ACTR3C: variants seen among roughly 807,000 people sequenced by gnomAD.
ACTR3C encodes actin-related protein 3C.
ACTR3C carries 18 observed loss-of-function variants against 26.3 expected under a neutral mutation model. That is an observed-to-expected ratio of 0.68 (90% CI 0.47 to 1.01). The LOEUF (loss-of-function observed/expected upper bound fraction) is 1.01. Among genes scored for constraint, ACTR3C ranks in the 50% least tolerant of loss-of-function variants. The pLI is 0.00. For synonymous variants in ACTR3C, 55 were observed against 94.5 expected (o/e 0.58, Z 2.42); for missense variants, 184 against 250.7 (o/e 0.73, Z 1.80).
chr7:150,071,316 G>C, the ACTR3C span, among the ~76,000 whole-genome samples: 1 of 148,950 alleles, frequency 6.7e-6, no homozygotes, highest in Non-Finnish European at 1.5e-5. Flanking sequence ...AGTAGAGACG[G>C]GGTTTCACCA....
At chr7:149,961,885 A>G in the ACTR3C span, among the ~76,000 whole-genome samples, 130,067 of 148,430 alleles carry the variant, frequency 0.88, 58,709 homozygotes, top group Non-Finnish European at 0.98. Flanking sequence ...CAGGAGGTAA[A>G]CACATAGGAA....
At chr7:150,230,259 A>G in the ACTR3C span, among the ~76,000 whole-genome samples, 1 of 152,048 alleles carries the variant, frequency 6.6e-6, no homozygotes, top group Non-Finnish European at 1.5e-5. Flanking sequence ...CAAAAACAAA[A>G]TTTCTAATGA....
intron 6 of ACTR3C, among the ~76,000 whole-genome samples, chr7:150,253,046 G>A (rs953745404): frequency 6.6e-6 from 1 of 151,948 alleles, no homozygotes; most frequent in Non-Finnish European, 1.5e-5. Flanking sequence ...CTGTTTTTAC[G>A]TATACTGGCT....
At chr7:150,131,713 C>G in the ACTR3C span, among the ~76,000 whole-genome samples, 1 of 152,096 alleles carries the variant, frequency 6.6e-6, no homozygotes, top group Non-Finnish European at 1.5e-5. Context: ...TCTTAGATAT[C>G]TACCCAAGAG....
the ACTR3C span, among the ~76,000 whole-genome samples, chr7:149,945,103 G>A: frequency 2.6e-5 from 4 of 151,932 alleles, no homozygotes; most frequent in African/African-American, 9.7e-5. Flanking sequence ...CAGAGGCTGA[G>A]GCGGGGCTGT....
chr7:149,971,663 A>G, the ACTR3C span, among the ~76,000 whole-genome samples: 1 of 152,204 alleles, frequency 6.6e-6, no homozygotes, highest in Non-Finnish European at 1.5e-5. Context: ...CTTAGTTTGC[A>G]TCCTGCTGTG....
chr7:150,085,200 G>C, the ACTR3C span, among the ~76,000 whole-genome samples: 2 of 152,154 alleles, frequency 1.3e-5, no homozygotes, highest in South Asian at 2.1e-4. Flanking sequence ...TGAAAACTGA[G>C]TTTGCAGTTC....
chr7:150,064,855 T>C, the ACTR3C span, among the ~76,000 whole-genome samples: 1 of 152,288 alleles, frequency 6.6e-6, no homozygotes, highest in South Asian at 2.1e-4. Context: ...TCAATAGAGC[T>C]AATAAATATA....
chr7:150,102,278 T>C, the ACTR3C span, among the ~76,000 whole-genome samples: 4 of 151,734 alleles, frequency 2.6e-5, no homozygotes, highest in African/African-American at 9.7e-5. Context: ...AAAGATAGGA[T>C]GTGGATCAAC....
At chr7:150,006,400 T>A in the ACTR3C span, among the ~76,000 whole-genome samples, 2 of 147,808 alleles carry the variant, frequency 1.4e-5, no homozygotes, top group South Asian at 4.4e-4. Context: ...GGTTTCACTG[T>A]GTTAGCCAGG....
the ACTR3C span, among the ~76,000 whole-genome samples, chr7:150,164,813 G>A: frequency 6.6e-6 from 1 of 152,154 alleles, no homozygotes; most frequent in Admixed American, 6.5e-5. Flanking sequence ...CTGTGTGAAG[G>A]TCTTAGTAAC....
the ACTR3C span, among the ~76,000 whole-genome samples, chr7:150,132,986 C>T: frequency 6.6e-6 from 1 of 152,088 alleles, no homozygotes; most frequent in Non-Finnish European, 1.5e-5. Flanking sequence ...TCTCAGAGTC[C>T]TCTATCTATA....
intron 6 of ACTR3C, among the ~76,000 whole-genome samples, chr7:150,254,329 G>A (rs568615721): frequency 1.3e-5 from 2 of 152,182 alleles, no homozygotes; most frequent in Non-Finnish European, 2.9e-5. Flanking sequence ...GCAGAATCAA[G>A]TATAAATTGC....
At chr7:150,086,973 A>C in the ACTR3C span, among the ~76,000 whole-genome samples, 2 of 152,188 alleles carry the variant, frequency 1.3e-5, no homozygotes, top group Admixed American at 1.3e-4. Flanking sequence ...AGTAGGCTCA[A>C]AATTATTTCC....
the ACTR3C span, among the ~76,000 whole-genome samples, chr7:150,067,854 G>A: frequency 6.7e-6 from 1 of 150,340 alleles, no homozygotes; most frequent in African/African-American, 2.5e-5. Flanking sequence ...AAAGAGAGAG[G>A]GGATTCAGGC....
the ACTR3C span, among the ~76,000 whole-genome samples, chr7:150,087,613 C>G: frequency 6.6e-6 from 1 of 152,032 alleles, no homozygotes; most frequent in African/African-American, 2.4e-5. Flanking sequence ...GTGGGAGAAA[C>G]AGAAATCAGC....
intron 6 of ACTR3C, among the ~76,000 whole-genome samples, chr7:150,255,312 T>C (rs1431300721): frequency 6.8e-6 from 1 of 147,470 alleles, no homozygotes; most frequent in Admixed American, 7.0e-5. Context: ...TGGATCAGCC[T>C]GTTAACAGAC....
intron 6 of ACTR3C, among the ~76,000 whole-genome samples, chr7:150,266,802 C>T (rs1412973472): frequency 2.0e-5 from 3 of 152,076 alleles, no homozygotes; most frequent in South Asian, 2.1e-4. Flanking sequence ...TACAAATGAC[C>T]GCTAAGTACA....
At chr7:150,276,833 G>A (rs1010289403) in intron 6 of ACTR3C, among the ~76,000 whole-genome samples, 1 of 152,108 alleles carries the variant, frequency 6.6e-6, no homozygotes, top group African/African-American at 2.4e-5. Context: ...GGGCCCCCTG[G>A]CTTCTAGAGT....
Sources: gnomAD v4.1 joint callset for allele counts (sites outside exome capture counted in the v4.1 genomes callset) on GRCh38, gnomAD v4.1.1 for gene constraint, MANE v1.5 for transcripts, NCBI Gene and HGNC (gene_info 2026-07-23, HGNC 2026-07-21) for gene names.